The following UBE2F variants were observed in gnomAD, a reference collection of about 807,000 sequenced individuals.
UBE2F encodes the protein NEDD8-conjugating enzyme UBE2F.
UBE2F carries 5 observed loss-of-function variants against 29.6 expected under a neutral mutation model. The ratio of observed to expected loss-of-function variants is 0.17; its 90% CI spans 0.09 to 0.36. UBE2F has a LOEUF of 0.36. Among genes scored for constraint, UBE2F ranks in the 10% least tolerant of loss-of-function variants. The pLI, the probability that UBE2F is intolerant of heterozygous loss-of-function variation, is 1.00. For synonymous variants in UBE2F, 66 were observed against 81.8 expected (o/e 0.81, Z 1.04); for missense variants, 141 against 228.5 (o/e 0.62, Z 2.47).
chr2:238,016,447 G>T (rs988715610), intron 4 of UBE2F, 119 bp from the exon 5 acceptor site: 27 of 796,704 alleles, frequency 3.4e-5, no homozygotes, highest in Non-Finnish European at 5.4e-5. Flanking sequence ...AACTCTGCAG[G>T]CCTGTTTTTA....
At chr2:238,023,908 A>G (rs2064352416) in intron 5 of UBE2F, among the ~76,000 whole-genome samples, 1 of 152,154 alleles carries the variant, frequency 6.6e-6, no homozygotes, top group South Asian at 2.1e-4. Context: ...CTTCATCCTG[A>G]GGAAACATTT....
chr2:237,992,756 T>C (rs894741130), intron 3 of UBE2F, among the ~76,000 whole-genome samples: 7 of 152,170 alleles, frequency 4.6e-5, no homozygotes, highest in Non-Finnish European at 1.0e-4. Flanking sequence ...TCTACTTATG[T>C]CTCCTAATTG....
intron 4 of UBE2F, among the ~76,000 whole-genome samples, chr2:238,004,432 T>C (rs1164075902): frequency 6.6e-6 from 1 of 152,206 alleles, no homozygotes; most frequent in Non-Finnish European, 1.5e-5. Context: ...TTGTGGGATT[T>C]TAAGAGTTCT....
intron 9 of UBE2F, among the ~76,000 whole-genome samples, 159 bp downstream of exon 9, chr2:238,036,099 G>T (rs1385227531): frequency 6.6e-6 from 1 of 152,216 alleles, no homozygotes. Context: ...TATAGTAAAT[G>T]TGTGTAACCT....
intron 9 of UBE2F, among the ~76,000 whole-genome samples, 194 bp from the exon 10 acceptor site, chr2:238,041,094 T>C (rs907737877): frequency 6.6e-6 from 1 of 152,130 alleles, no homozygotes; most frequent in Admixed American, 6.5e-5. Flanking sequence ...CCCAGCACTG[T>C]GTCTTGCGTG....
At chr2:237,978,978 G>T (rs982484982) in intron 2 of UBE2F, among the ~76,000 whole-genome samples, 1 of 152,192 alleles carries the variant, frequency 6.6e-6, no homozygotes, top group Non-Finnish European at 1.5e-5. Flanking sequence ...CTCAATGCCT[G>T]TCTGTCTCCC....
intron 3 of UBE2F, 139 bp from the exon 4 acceptor site, chr2:237,994,605 G>C: frequency 1.6e-6 from 1 of 640,998 alleles, no homozygotes; most frequent in Non-Finnish European, 2.8e-6. Context: ...CAGACAAATA[G>C]GGAGGGAGAT....
At chr2:237,990,726 A>T (rs1336723209) in intron 3 of UBE2F, among the ~76,000 whole-genome samples, 2 of 151,340 alleles carry the variant, frequency 1.3e-5, no homozygotes, top group African/African-American at 4.9e-5. Context: ...GCACCAGTGC[A>T]CTCCAACCTG....
chr2:238,018,341 T>C (rs1358479505), intron 5 of UBE2F, among the ~76,000 whole-genome samples: 1 of 152,186 alleles, frequency 6.6e-6, no homozygotes, highest in Non-Finnish European at 1.5e-5. Context: ...GGGAGTTAAG[T>C]CTAAGCTGAT....
At chr2:237,990,976 AT>A (rs752847982) in intron 3 of UBE2F, among the ~76,000 whole-genome samples, 11 of 152,246 alleles carry the variant, frequency 7.2e-5, no homozygotes, top group Non-Finnish European at 1.0e-4. Flanking sequence ...TGGTTCATTC[AT>A]CCTTGATACA....
intron 4 of UBE2F, among the ~76,000 whole-genome samples, chr2:237,996,081 T>G (rs544558036): frequency 5.9e-5 from 9 of 152,322 alleles, no homozygotes; most frequent in African/African-American, 1.4e-4. Context: ...TTTGGCTGCC[T>G]TCCTAAAACA....
intron 3 of UBE2F, 83 bp from the exon 4 acceptor site, chr2:237,994,661 C>T (rs2063655663): frequency 1.8e-6 from 2 of 1,119,564 alleles, no homozygotes; most frequent in African/African-American, 1.5e-5. Flanking sequence ...GCACCGCTAA[C>T]TTTACACGTG....
In UBE2F at chr2:238,022,091, T is replaced by TTTG. The variant is rs901583658; in HGVS notation, c.283-3238_283-3236dup. 3.9e-5 allele frequency among the ~76,000 whole-genome samples: 6 copies of TTTG among 152,318 alleles called. No individual in the cohort carries two copies. In the South Asian group the frequency reaches 8.3e-4, roughly 21 times the overall value. Reference sequence around the variant, plus strand: ...ATTACCAAGGTAGAATATTTGCCTTTTTGTTGTTGTTGTTGCCATTTTGGG... The same window carrying TTTG: ...ATTACCAAGGTAGAATATTTGCCTTTTTGTTGTTGTTGTTGTTGCCATTTTGGG... On this transcript the variant is annotated intron_variant, in intron 5 of 9. Coordinates refer to ENST00000272930, the MANE Select transcript of UBE2F (RefSeq NM_080678.3).
At chr2:237,973,586 G>A in intron 2 of UBE2F, 2 of 909,474 alleles carry the variant, frequency 2.2e-6, no homozygotes, top group Non-Finnish European at 3.1e-6. Flanking sequence ...CATAGTTTCT[G>A]CTCTGTAAAG....
At chr2:238,012,340 G>A (rs549790115) in intron 4 of UBE2F, among the ~76,000 whole-genome samples, 1 of 152,220 alleles carries the variant, frequency 6.6e-6, no homozygotes, top group South Asian at 2.1e-4. Context: ...GTGTCCACCA[G>A]AATCACTTTA....
chr2:238,033,118 G>T (rs1170674953), intron 8 of UBE2F, among the ~76,000 whole-genome samples: 2 of 152,188 alleles, frequency 1.3e-5, no homozygotes. Context: ...GTTCTGGTTG[G>T]GGTGGATGAT....
intron 4 of UBE2F, among the ~76,000 whole-genome samples, chr2:237,997,995 CTG>C (rs1298622556): frequency 2.0e-5 from 3 of 152,194 alleles, no homozygotes; most frequent in African/African-American, 7.2e-5. Context: ...GTTTGAAAAA[CTG>C]GACCTGTTCA....
intron 4 of UBE2F, among the ~76,000 whole-genome samples, chr2:238,008,323 G>C (rs1289534339): frequency 2.0e-5 from 3 of 152,162 alleles, no homozygotes; most frequent in Non-Finnish European, 4.4e-5. Flanking sequence ...ATTTTGTTTT[G>C]TTGTGGTAAG....
chr2:237,978,356 T>C (rs1335244955), intron 2 of UBE2F, among the ~76,000 whole-genome samples: 1 of 152,144 alleles, frequency 6.6e-6, no homozygotes, highest in Non-Finnish European at 1.5e-5. Context: ...AGGGCTGAGC[T>C]TATAGGAGGC....
Sources: gnomAD v4.1 joint callset for allele counts (sites outside exome capture counted in the v4.1 genomes callset) on GRCh38, gnomAD v4.1.1 for gene constraint, MANE v1.5 for transcripts, NCBI Gene and HGNC (gene_info 2026-07-23, HGNC 2026-07-21) for gene names.